Variants in CUX1 observed in about 807,000 individuals in gnomAD.
CUX1 encodes the protein protein CASP.
In CUX1, 31 loss-of-function variants were observed where a neutral mutation model predicts 158.8. The observed-to-expected ratio is 0.20, with a 90% CI of 0.15 to 0.26. The LOEUF (loss-of-function observed/expected upper bound fraction) is 0.26, where lower values mean the gene tolerates loss of function less well. Among genes scored for constraint, CUX1 ranks in the 10% least tolerant of loss-of-function variants. The probability of loss-of-function intolerance (pLI) is 1.00; values close to 1 mark genes in which losing one functional copy is unlikely to be tolerated. For synonymous variants in CUX1, 879 were observed against 862.1 expected (o/e 1.02, Z -0.34); for missense variants, 1,589 against 2,014.6 (o/e 0.79, Z 4.04).
intron 21 of CUX1, among the ~76,000 whole-genome samples, chr7:102,228,558 G>T (rs1474882670): frequency 6.6e-6 from 1 of 152,090 alleles, no homozygotes; most frequent in Admixed American, 6.6e-5. Context: ...ACATTGGGAG[G>T]CCACAGCAGG....
chr7:102,255,085 C>T lies in CUX1; in HGVS notation c.*6043C>T. ...CCAGCCCTACTCCCGGCCCCCCAGCCCAGTCTTCCCAATCCCAGAGGCCCC... is the reference window on the plus strand; with the variant it reads ...CCAGCCCTACTCCCGGCCCCCCAGCTCAGTCTTCCCAATCCCAGAGGCCCC... On this transcript the variant is annotated 3_prime_UTR_variant, in exon 24 of 24. Coordinates refer to ENST00000292535, the MANE Select transcript of CUX1 (RefSeq NM_181552.4). 1.0e-6 allele frequency: 1 copy of T among 985,462 alleles called. No individual in the cohort carries two copies. Among genetic ancestry groups the T allele is most frequent in the African/African-American group, 1.7e-5 (1 of 57,320 alleles). The allele number at this position is 985,462 out of a possible 1,614,324, so 61.0% of individuals were successfully genotyped here. A position where few individuals can be genotyped will look rare whatever the true frequency, so the allele number is the denominator to read the frequency against.
chr7:101,933,562 AG>A (rs1485283331), intron 2 of CUX1, among the ~76,000 whole-genome samples: 7 of 152,210 alleles, frequency 4.6e-5, no homozygotes, highest in African/African-American at 1.7e-4. Flanking sequence ...AACTGGCCGA[AG>A]AAAATGCTTC....
At chr7:102,218,109 T>C (rs1586280927) in intron 20 of CUX1, among the ~76,000 whole-genome samples, 1 of 152,216 alleles carries the variant, frequency 6.6e-6, no homozygotes, top group Non-Finnish European at 1.5e-5. Context: ...CCTGCACTGC[T>C]GCACCTCCAG....
intron 4 of CUX1, among the ~76,000 whole-genome samples, chr7:102,092,935 AAG>A (rs527888446): frequency 0.17 from 11,373 of 68,142 alleles, 931 homozygotes; most frequent in African/African-American, 0.3. Flanking sequence ...AAAAAAAAGA[AAG>A]AAAGAAAAGA....
At chr7:101,924,424 A>C (rs1050737970) in intron 2 of CUX1, among the ~76,000 whole-genome samples, 1 of 152,086 alleles carries the variant, frequency 6.6e-6, no homozygotes, top group Non-Finnish European at 1.5e-5. Context: ...TGAGATAGTC[A>C]CCAGGGCTCC....
chr7:102,275,629 G>A (rs1791549308), intron 17 of CUX1, among the ~76,000 whole-genome samples: 1 of 152,146 alleles, frequency 6.6e-6, no homozygotes, highest in Non-Finnish European at 1.5e-5. Context: ...CCAGGCAAGT[G>A]CCCTCTTGCC....
intron 5 of CUX1, 122 bp downstream of exon 5, chr7:102,097,623 C>A: frequency 1.0e-6 from 1 of 988,036 alleles, no homozygotes; most frequent in Non-Finnish European, 1.4e-6. Context: ...GTCATAAAGT[C>A]AGGGTGGGGC....
chr7:102,199,531 C>A (rs1367797854), intron 16 of CUX1, among the ~76,000 whole-genome samples: 1 of 152,194 alleles, frequency 6.6e-6, no homozygotes, highest in African/African-American at 2.4e-5. Flanking sequence ...CTCCTTTCCT[C>A]GTATGTAAAT....
chr7:102,174,649 G>C (rs1187546856), intron 10 of CUX1, among the ~76,000 whole-genome samples: 1 of 152,140 alleles, frequency 6.6e-6, no homozygotes, highest in African/African-American at 2.4e-5. Context: ...CACAGTTTCA[G>C]ATAAAGGAAG....
At chr7:101,883,390 A>G (rs1168074361) in intron 1 of CUX1, among the ~76,000 whole-genome samples, 2 of 152,094 alleles carry the variant, frequency 1.3e-5, no homozygotes, top group African/African-American at 4.8e-5. Context: ...TGAGATTTTC[A>G]TCATATGTAC....
Position 102,204,537 on chromosome 7 carries a change from G to C in CUX1, c.3054G>C (p.Gln1018His). The C allele has an allele frequency of 6.2e-7, 1 of 1,613,420 alleles. No homozygotes were observed. Among genetic ancestry groups the C allele is most frequent in the South Asian group, 1.1e-5 (1 of 91,088 alleles). The change falls in exon 19 of 24, where the codon CAG becomes CAC. Residue 1018 changes from glutamine (Q) to histidine (H), a missense_variant. By Grantham distance (24) the Gln-to-His change is conservative. Transcript: ENST00000292535. ...GELGQGVLPV[Q>H]GQQQGPVLHS... ...TAGGCCAGGGTGTTCTACCCGTCCA[G>C]GGCCAGCAGCAAGGGCCAGGTAATG... is the stretch of plus-strand genomic sequence containing the variant.
At position 101,972,585 on chromosome 7, in the gene CUX1, C is replaced by T. The variant is rs186265428; in HGVS notation, c.142-55513C>T. 5.3e-5 allele frequency among the ~76,000 whole-genome samples: 8 copies of T among 152,294 alleles called. No homozygotes were observed. In the East Asian group the frequency reaches 1.5e-3, roughly 29 times the overall value. ...CACTGGACACATCTGCCCTTTGCTC[C>T]TCCTTTTTGTCTCTGCTGGTGGCCC... is the stretch of plus-strand genomic sequence containing the variant. On this transcript the variant is annotated intron_variant, in intron 2 of 23. Coordinates refer to ENST00000292535, the MANE Select transcript of CUX1 (RefSeq NM_181552.4).
intron 8 of CUX1, among the ~76,000 whole-genome samples, chr7:102,136,930 T>C (rs1672650299): frequency 1.3e-5 from 2 of 151,976 alleles, no homozygotes; most frequent in African/African-American, 4.8e-5. Flanking sequence ...TGTAGGGGAG[T>C]TTGTTATTTT....
intron 23 of CUX1, among the ~76,000 whole-genome samples, chr7:102,243,231 AC>A (rs1800414298): frequency 6.6e-6 from 1 of 152,112 alleles, no homozygotes; most frequent in Admixed American, 6.6e-5. Flanking sequence ...CCATGATCAT[AC>A]CACTGCACTC....
chr7:101,986,280 C>G (rs1328507625), intron 2 of CUX1, among the ~76,000 whole-genome samples: 2 of 152,186 alleles, frequency 1.3e-5, no homozygotes, highest in African/African-American at 4.8e-5. Flanking sequence ...TCTGTCTCCC[C>G]TAAGAGGAGT....
intron 8 of CUX1, among the ~76,000 whole-genome samples, chr7:102,141,648 G>A (rs1236898782): frequency 6.6e-6 from 1 of 151,998 alleles, no homozygotes; most frequent in Non-Finnish European, 1.5e-5. Context: ...TTTGAGACAG[G>A]CTCTCACTCT....
intron 21 of CUX1, among the ~76,000 whole-genome samples, chr7:102,233,848 A>G (rs1250108409): frequency 1.3e-5 from 2 of 152,184 alleles, no homozygotes; most frequent in African/African-American, 4.8e-5. Context: ...TGCAAGAGCA[A>G]TGCCAACTCC....
At position 102,256,307 on chromosome 7, in the gene CUX1, TC is replaced by T; in HGVS notation, c.*7267del. The T allele has an allele frequency of 1.0e-6, 1 of 985,394 alleles. No individual in the cohort carries two copies. Among genetic ancestry groups the T allele is most frequent in the Non-Finnish European group, 1.2e-6 (1 of 829,910 alleles). The allele number at this position is 985,394 out of a possible 1,614,324, so 61.0% of individuals were successfully genotyped here. Reference sequence around the variant, plus strand: ...GTGAGGGTGATTATAAAAGGATGTTTCCTTGAGAAAAAAAAAATTATTTCTA... The same window carrying T: ...GTGAGGGTGATTATAAAAGGATGTTTCTTGAGAAAAAAAAAATTATTTCTA... On this transcript the variant is annotated 3_prime_UTR_variant, in exon 24 of 24. Coordinates refer to ENST00000292535, the MANE Select transcript of CUX1 (RefSeq NM_181552.4).
At chr7:101,886,238 G>C (rs1295568586) in intron 1 of CUX1, among the ~76,000 whole-genome samples, 1 of 152,102 alleles carries the variant, frequency 6.6e-6, no homozygotes, top group Non-Finnish European at 1.5e-5. Flanking sequence ...CTCCTGCCAA[G>C]GCTGGAGTGC....
Sources: gnomAD v4.1 joint callset for allele counts (sites outside exome capture counted in the v4.1 genomes callset) on GRCh38, gnomAD v4.1.1 for gene constraint, MANE v1.5 for transcripts, NCBI Gene and HGNC (gene_info 2026-07-23, HGNC 2026-07-21) for gene names.